Variants in SPATC1L observed in about 807,000 individuals in gnomAD.
SPATC1L encodes spermatogenesis and centriole associated 1 like.
A neutral mutation model predicts 21.2 loss-of-function variants in SPATC1L; 20 were observed. The ratio of observed to expected loss-of-function variants is 0.94; its 90% CI spans 0.66 to 1.37. SPATC1L has a LOEUF of 1.37. Ranked by LOEUF, SPATC1L falls within the 40% of genes most tolerant of loss-of-function variation. SPATC1L has a pLI of 0.00. For missense variants in SPATC1L, 499 were observed against 478.7 expected, an observed-to-expected ratio of 1.04 and a Z score of -0.40; for synonymous variants, 290 against 234.5, an observed-to-expected ratio of 1.24 and a Z score of -2.16.
chr21:46,179,112 G>C (rs1288151168), intron 2 of SPATC1L, among the ~76,000 whole-genome samples: 1 of 151,822 alleles, frequency 6.6e-6, no homozygotes, highest in Non-Finnish European at 1.5e-5. Context: ...GCCGCTCATG[G>C]TGGCAAGCAC....
intron 2 of SPATC1L, among the ~76,000 whole-genome samples, chr21:46,174,332 CAA>C (rs66721282): frequency 3.5e-4 from 12 of 34,254 alleles, no homozygotes; most frequent in Admixed American, 3.5e-4. Context: ...GACTCTGTCT[CAA>C]AAAACAAAAC....
At chr21:46,162,590 C>CTTTTTTTTTTTTTTT (rs3057184) in intron 3 of SPATC1L, among the ~76,000 whole-genome samples, 1 of 133,394 alleles carries the variant, frequency 7.5e-6, no homozygotes, top group Non-Finnish European at 1.5e-5. Context: ...GTTGGCAGGA[C>CTTTTTTTTTTTTTTT]TTTTTTTTTT....
chr21:46,163,076 T>TAGTG (rs2079514652), intron 3 of SPATC1L, among the ~76,000 whole-genome samples: 1 of 152,238 alleles, frequency 6.6e-6, no homozygotes. Flanking sequence ...CACTAACGAC[T>TAGTG]AGTGATTCGA....
At chr21:46,181,784 C>G (rs1198127639) in intron 2 of SPATC1L, among the ~76,000 whole-genome samples, 1 of 152,174 alleles carries the variant, frequency 6.6e-6, no homozygotes, top group Non-Finnish European at 1.5e-5. Flanking sequence ...GGGCCCGGCC[C>G]GGTGGGAAGC....
Position 46,183,612 on chromosome 21 carries a change from C to G in SPATC1L, c.-796G>C, listed in dbSNP as rs2123661773. 1 of 72,768 alleles carries G rather than the reference C, an allele frequency of 1.4e-5. No individual in the cohort carries two copies. Among genetic ancestry groups the G allele is most frequent in the South Asian group, 3.3e-4 (1 of 3,032 alleles). The allele number at this position is 72,768 out of a possible 1,614,324, so 4.5% of individuals were successfully genotyped here. A position where few individuals can be genotyped will look rare whatever the true frequency, so the allele number is the denominator to read the frequency against. On this transcript the variant is annotated 5_prime_UTR_variant, in exon 2 of 5. Coordinates refer to ENST00000291672, the MANE Select transcript of SPATC1L (RefSeq NM_001142854.2). Reference sequence around the variant, plus strand: ...GAGGAGACCAGCCTGGGGGAGGAGACCAGCCTTGTGGGGGAGACCAGCCTG... The same window carrying G: ...GAGGAGACCAGCCTGGGGGAGGAGAGCAGCCTTGTGGGGGAGACCAGCCTG...
In SPATC1L at chr21:46,183,220, G is replaced by T; in HGVS notation, c.-404C>A. ...TGTCCTCAAGCTGGGTGGGGACGCT[G>T]CCTTCACCCGAGTAACATGTGGGCT... On this transcript the variant is annotated 5_prime_UTR_variant, in exon 2 of 5. Coordinates refer to ENST00000291672, the MANE Select transcript of SPATC1L (RefSeq NM_001142854.2). The T allele has an allele frequency of 4.7e-6, 1 of 212,298 alleles. No homozygotes were observed. Among genetic ancestry groups the T allele is most frequent in the Non-Finnish European group, 9.3e-6 (1 of 106,966 alleles). The allele number at this position is 212,298 out of a possible 1,614,324, so 13.2% of individuals were successfully genotyped here. A position where few individuals can be genotyped will look rare whatever the true frequency, so the allele number is the denominator to read the frequency against.
intron 3 of SPATC1L, among the ~76,000 whole-genome samples, chr21:46,163,249 A>G (rs904867259): frequency 2.0e-5 from 3 of 152,142 alleles, no homozygotes; most frequent in African/African-American, 7.2e-5. Flanking sequence ...CAAACGCACA[A>G]TTTACAAATG....
At chr21:46,171,042 G>A (rs113142019) in intron 2 of SPATC1L, among the ~76,000 whole-genome samples, 4 of 152,332 alleles carry the variant, frequency 2.6e-5, no homozygotes, top group African/African-American at 9.6e-5. Context: ...CTCCTGCTCT[G>A]TGAACATCCT....
intron 2 of SPATC1L, among the ~76,000 whole-genome samples, chr21:46,177,314 A>C (rs932300261): frequency 6.6e-6 from 1 of 152,230 alleles, no homozygotes; most frequent in Admixed American, 6.5e-5. Flanking sequence ...TCAACAGAGT[A>C]AACAGCAAAC....
At chr21:46,173,862 C>T (rs2079610343) in intron 2 of SPATC1L, among the ~76,000 whole-genome samples, 1 of 152,156 alleles carries the variant, frequency 6.6e-6, no homozygotes, top group African/African-American at 2.4e-5. Context: ...CCCCCCAGTG[C>T]AGTGGATTCC....
intron 2 of SPATC1L, among the ~76,000 whole-genome samples, chr21:46,172,625 G>T (rs2079602419): frequency 6.6e-6 from 1 of 152,206 alleles, no homozygotes; most frequent in East Asian, 1.9e-4. Flanking sequence ...CCCCATGAAA[G>T]TCAAGGCCAA....
intron 2 of SPATC1L, among the ~76,000 whole-genome samples, chr21:46,172,141 T>TATGCAAAGCACGAGGC (rs2123640043): frequency 1.8e-5 from 2 of 112,450 alleles, no homozygotes; most frequent in South Asian, 5.5e-4. Context: ...GAGTGTGAGG[T>TATGCAAAGCACGAGGC]GGGGGATGCA....
intron 3 of SPATC1L, among the ~76,000 whole-genome samples, chr21:46,162,673 G>A (rs1016813341): frequency 2.9e-5 from 4 of 138,386 alleles, no homozygotes; most frequent in African/African-American, 5.6e-5. Flanking sequence ...CGCAACCTCC[G>A]CCTCCCCGGC....
At chr21:46,177,489 G>T (rs552582362) in intron 2 of SPATC1L, among the ~76,000 whole-genome samples, 1 of 152,200 alleles carries the variant, frequency 6.6e-6, no homozygotes, top group African/African-American at 2.4e-5. Flanking sequence ...TACAGCCAAC[G>T]AGCATATGAA....
chr21:46,170,007 G>A (rs2079573027), intron 2 of SPATC1L, among the ~76,000 whole-genome samples: 1 of 54,096 alleles, frequency 1.8e-5, no homozygotes, highest in Admixed American at 1.6e-4. Context: ...TGTGGATGGG[G>A]AGGAGCCCCT....
At chr21:46,163,802 G>A (rs932019515) in intron 3 of SPATC1L, among the ~76,000 whole-genome samples, 8 of 151,976 alleles carry the variant, frequency 5.3e-5, no homozygotes, top group African/African-American at 1.7e-4. Context: ...TTTCAAGATC[G>A]TTTTACTTAT....
Position 46,168,655 on chromosome 21 carries a change from G to C in SPATC1L, c.197C>G (p.Pro66Arg). The stretch of plus-strand genomic sequence containing the variant: ...AACACTCGTGAACCTTCCGAAATCT[G>C]GAACTGAGGCGGGGAGGAAAGGGAT... ...PEAGSPGSGV[P>R]DFGRFTSVAD... Residue 66 changes from proline to arginine, a missense_variant, in exon 3 of 5, where the codon CCA (proline) becomes CGA (arginine). Coordinates refer to ENST00000291672, the MANE Select transcript of SPATC1L (RefSeq NM_001142854.2). 2 of 1,358,180 alleles carry C rather than the reference G, an allele frequency of 1.5e-6. No individual in the cohort carries two copies. Among genetic ancestry groups the C allele is most frequent in the Non-Finnish European group, 1.9e-6 (2 of 1,043,086 alleles). 84.1% of individuals were successfully genotyped at this position (1,358,180 alleles called of 1,614,324 possible).
Position 46,161,566 on chromosome 21 carries a change from A to G in SPATC1L, c.836T>C (p.Ile279Thr), listed in dbSNP as rs1403336182. The G allele has an allele frequency of 2.5e-6, 4 of 1,610,642 alleles. No individual in the cohort carries two copies. The South Asian group carries it at 3.3e-5, about 13-fold the overall frequency. Residue 279 changes from isoleucine (I) to threonine (T), a missense_variant, in exon 5 of 5, where the codon ATC becomes ACC. By Grantham distance (89) the Ile-to-Thr change is moderately conservative (BLOSUM62 -1). Coordinates refer to ENST00000291672, the MANE Select transcript of SPATC1L (RefSeq NM_001142854.2). ...CTGCTTCAGGATTCCGTAGGTGTTG[A>G]TGAGGAACTCGCTGAACGCCGGGTG... The part of the protein sequence containing the change: ...DVHPAFSEFL[I>T]NTYGILKQRP...
intron 3 of SPATC1L, among the ~76,000 whole-genome samples, chr21:46,163,118 A>G (rs1411766831): frequency 3.3e-5 from 5 of 152,170 alleles, no homozygotes; most frequent in Non-Finnish European, 7.4e-5. Flanking sequence ...GGCCATTTAT[A>G]TACTGTATCT....
Sources: gnomAD v4.1 joint callset for allele counts (sites outside exome capture counted in the v4.1 genomes callset) on GRCh38, gnomAD v4.1.1 for gene constraint, MANE v1.5 for transcripts, NCBI Gene and HGNC (gene_info 2026-07-23, HGNC 2026-07-21) for gene names.